Variants in SYPL2 observed in about 807,000 individuals in gnomAD.
SYPL2 encodes synaptophysin like 2.
SYPL2 carries 24 observed loss-of-function variants against 31.3 expected under a neutral mutation model. The observed-to-expected ratio is 0.77, with a 90% CI of 0.56 to 1.08. The LOEUF (loss-of-function observed/expected upper bound fraction) is 1.08. Ranked by LOEUF, SYPL2 falls within the 50% of genes least tolerant of loss-of-function variation. The pLI is 0.00. For missense variants in SYPL2, 342 were observed against 360.1 expected (o/e 0.95, Z 0.41); for synonymous variants, 144 against 143.1 (o/e 1.01, Z -0.05).
intron 3 of SYPL2, among the ~76,000 whole-genome samples, 155 bp downstream of exon 3, chr1:109,475,860 A>G (rs1655984652): frequency 6.6e-6 from 1 of 152,240 alleles, no homozygotes; most frequent in Non-Finnish European, 1.5e-5. Flanking sequence ...TCTGCTTTTT[A>G]GCAATTTCAG....
intron 3 of SYPL2, 79 bp from the exon 4 acceptor site, chr1:109,476,697 G>T: frequency 6.9e-7 from 1 of 1,440,750 alleles, no homozygotes; most frequent in South Asian, 1.2e-5. Context: ...CCCCTGCTGA[G>T]AACTAGCACA....
chr1:109,467,704 A>C (rs1042825277), intron 2 of SYPL2, among the ~76,000 whole-genome samples: 13 of 152,208 alleles, frequency 8.5e-5, no homozygotes, highest in Non-Finnish European at 1.2e-4. Flanking sequence ...GGATGAATGA[A>C]TGAACGGAGC....
intron 2 of SYPL2, chr1:109,475,313 T>G (rs1019141786): frequency 3.0e-6 from 1 of 329,304 alleles, no homozygotes; most frequent in Non-Finnish European, 5.5e-6. Flanking sequence ...TGGAGAGATC[T>G]GGCAACTGTC....
intron 1 of SYPL2, 69 bp downstream of exon 1, chr1:109,466,966 C>T (rs943529115): frequency 6.5e-7 from 1 of 1,535,008 alleles, no homozygotes; most frequent in African/African-American, 1.4e-5. Flanking sequence ...ACACTTATCC[C>T]ACCCCTGGAC....
intron 2 of SYPL2, among the ~76,000 whole-genome samples, chr1:109,467,858 T>C (rs1475715984): frequency 6.6e-6 from 1 of 152,242 alleles, no homozygotes; most frequent in East Asian, 1.9e-4. Flanking sequence ...TTTCCAGCTA[T>C]GTCACCTTGG....
At chr1:109,474,640 C>G (rs576111133) in intron 2 of SYPL2, among the ~76,000 whole-genome samples, 96 of 152,044 alleles carry the variant, frequency 6.3e-4, no homozygotes, top group African/African-American at 2.2e-3. Context: ...CGCACCTGGC[C>G]TCTCACCTCC....
intron 2 of SYPL2, among the ~76,000 whole-genome samples, chr1:109,469,095 T>C (rs1655745385): frequency 6.6e-6 from 1 of 152,198 alleles, no homozygotes; most frequent in Admixed American, 6.5e-5. Flanking sequence ...TTCACTTGCT[T>C]TGAAGCTCTG....
chr1:109,479,169 A>G lies in SYPL2; in HGVS notation c.649-209A>G, dbSNP rs551279536. ...GCTACAGCTTGGGTGCATGGTGTGG[A>G]CAGAATTAGACACTTTCACCTGGGA... is the stretch of plus-strand genomic sequence containing the variant. On this transcript the variant is annotated intron_variant, in intron 5 of 5. Coordinates refer to ENST00000369872, the MANE Select transcript of SYPL2 (RefSeq NM_001040709.2). Among the ~76,000 whole-genome samples the G allele has an allele frequency of 9.2e-5, 14 of 152,290 alleles. No individual in the cohort carries two copies. The South Asian group carries it at 2.9e-3, about 32-fold the overall frequency.
chr1:109,476,129 C>T (rs976529152), intron 3 of SYPL2, among the ~76,000 whole-genome samples: 2 of 152,118 alleles, frequency 1.3e-5, no homozygotes, highest in Admixed American at 6.5e-5. Flanking sequence ...TCAGCCAGTA[C>T]GACCAGGATA....
At chr1:109,474,491 C>T (rs918261740) in intron 2 of SYPL2, among the ~76,000 whole-genome samples, 2 of 151,912 alleles carry the variant, frequency 1.3e-5, no homozygotes, top group Non-Finnish European at 2.9e-5. Flanking sequence ...GCATGCGACA[C>T]TCTACCGCCA....
chr1:109,474,455 A>G (rs537613815), intron 2 of SYPL2, among the ~76,000 whole-genome samples: 7 of 151,238 alleles, frequency 4.6e-5, no homozygotes, highest in Non-Finnish European at 8.8e-5. Flanking sequence ...CTCCTGCCTC[A>G]GCCTCCCAAG....
rs920106082 is a variant in SYPL2, at chr1:109,479,778, T to C, written c.*230T>C. ...AATGGCAGGAGCTCAGTGCTTCTTG[T>C]GCAGTGCCTGGACCCAGGTATCTTA... On this transcript the variant is annotated 3_prime_UTR_variant, in exon 6 of 6. Coordinates refer to ENST00000369872, the MANE Select transcript of SYPL2 (RefSeq NM_001040709.2). 3.1e-5 allele frequency: 19 copies of C among 609,780 alleles called. No homozygotes were observed. In the African/African-American group the frequency reaches 3.3e-4, roughly 11 times the overall value. The allele number at this position is 609,780 out of a possible 1,614,324, so 37.8% of individuals were successfully genotyped here.
In SYPL2 at chr1:109,467,004, C is replaced by G. The variant is rs1048569353; in HGVS notation, c.55-55C>G. 7.2e-6 allele frequency: 11 copies of G among 1,528,648 alleles called. No individual in the cohort carries two copies. The African/African-American group carries it at 1.1e-4, about 16-fold the overall frequency. 94.7% of individuals were successfully genotyped at this position (1,528,648 alleles called of 1,614,324 possible). ...CGTGTGAGTGGGGCAAGGGGACCAG[C>G]GCCTTCCCAGGGTTCCCCACCGCCC... On this transcript the variant is annotated intron_variant, in intron 1 of 5. Transcript: ENST00000369872.
Position 109,466,781 on chromosome 1 carries a change from G to C in SYPL2, c.-63G>C. The C allele has an allele frequency of 6.8e-7, 1 of 1,462,872 alleles. No homozygotes were observed. The highest frequency in any genetic ancestry group is 9.0e-7 in the Non-Finnish European group (1 of 1,115,642). 90.6% of individuals were successfully genotyped at this position (1,462,872 alleles called of 1,614,324 possible). A position where few individuals can be genotyped will look rare whatever the true frequency, so the allele number is the denominator to read the frequency against. On this transcript the variant is annotated 5_prime_UTR_variant, in exon 1 of 6. Coordinates refer to ENST00000369872, the MANE Select transcript of SYPL2 (RefSeq NM_001040709.2). ...CTGCAGCTCCCCGCTCCCCCGCCGT[G>C]TCCGCCGCCTCCCGGCCAGAGAGCC...
rs1288363984 is a variant in SYPL2, at chr1:109,475,590, A to G, written c.139A>G (p.Ile47Val). The part of the protein sequence containing the change: ...FIKVLQWLFA[I>V]FAFGSCGSYS... Reference sequence around the variant, plus strand: ...CTTCACTCTCTCTCAGCTCTTTGCTATTTTCGCCTTCGGGTCCTGTGGCTC... The same window carrying G: ...CTTCACTCTCTCTCAGCTCTTTGCTGTTTTCGCCTTCGGGTCCTGTGGCTC... The change falls in exon 3 of 6, where the codon ATT becomes GTT. Residue 47 changes from isoleucine (I) to valine (V), a missense_variant. Physicochemically the swap from Ile to Val is conservative, Grantham distance 29. Coordinates refer to ENST00000369872, the MANE Select transcript of SYPL2 (RefSeq NM_001040709.2). 2.5e-6 allele frequency: 4 copies of G among 1,613,826 alleles called. No individual in the cohort carries two copies. The highest frequency in any genetic ancestry group is 3.3e-5 in the Admixed American group (2 of 59,990).
At position 109,466,913 on chromosome 1, in the gene SYPL2, C is replaced by T. The variant is rs1655658053; in HGVS notation, c.54+16C>T. The T allele has an allele frequency of 1.3e-6, 2 of 1,531,230 alleles. No individual in the cohort carries two copies. Among genetic ancestry groups the T allele is most frequent in the South Asian group, 2.4e-5 (2 of 83,872 alleles). 94.9% of individuals were successfully genotyped at this position (1,531,230 alleles called of 1,614,324 possible). On this transcript the variant is annotated intron_variant, in intron 1 of 5. Transcript: ENST00000369872. ...GCGCCAGCAGGTAGTCCCTGCGCGC[C>T]CAGGACTCTCACCCGCCCCTCTCCA...
At position 109,479,793 on chromosome 1, in the gene SYPL2, C is replaced by T. The variant is rs1656111756; in HGVS notation, c.*245C>T. On this transcript the variant is annotated 3_prime_UTR_variant, in exon 6 of 6. Transcript: ENST00000369872. ...GTGCTTCTTGTGCAGTGCCTGGACC[C>T]AGGTATCTTACTTGGGGTCTTACTT... is the stretch of plus-strand genomic sequence containing the variant. The T allele has an allele frequency of 1.8e-6, 1 of 553,802 alleles. No homozygotes were observed. The highest frequency in any genetic ancestry group is 3.0e-5 in the East Asian group (1 of 33,224). 34.3% of individuals were successfully genotyped at this position (553,802 alleles called of 1,614,324 possible). A position where few individuals can be genotyped will look rare whatever the true frequency, so the allele number is the denominator to read the frequency against.
intron 1 of SYPL2, 21 bp downstream of exon 1, chr1:109,466,918 A>T (rs1360030487): frequency 2.0e-6 from 3 of 1,530,416 alleles, no homozygotes; most frequent in South Asian, 1.2e-5. Flanking sequence ...CGCGCCCAGG[A>T]CTCTCACCCG....
chr1:109,475,799 T>C lies in SYPL2; in HGVS notation c.254+94T>C, dbSNP rs868760470. 2.1e-5 allele frequency: 31 copies of C among 1,505,540 alleles called. 1 individual carries two copies. Among genetic ancestry groups the C allele is most frequent in the Middle Eastern group, 3.5e-4 (2 of 5,658 alleles). The allele number at this position is 1,505,540 out of a possible 1,614,324, so 93.3% of individuals were successfully genotyped here. ...TCCTCCTCCAGAAACCTAAAAACCA[T>C]TCATTGCGTGCCACTCCAGATTCAA... On this transcript the variant is annotated intron_variant, in intron 3 of 5. Transcript: ENST00000369872.
Sources: allele counts gnomAD v4.1 joint callset (sites outside exome capture counted in the v4.1 genomes callset), GRCh38; gene constraint gnomAD v4.1.1; transcripts MANE v1.5; gene names NCBI Gene and HGNC (gene_info 2026-07-23, HGNC 2026-07-21).